Variants in EDIL3 observed in about 807,000 individuals in gnomAD.
EDIL3 encodes EGF-like repeat and discoidin I-like domain-containing protein 3.
Under a neutral mutation model 67.4 loss-of-function variants are expected in EDIL3, and 37 were observed. That is an observed-to-expected ratio of 0.55 (90% CI 0.42 to 0.72). The LOEUF (loss-of-function observed/expected upper bound fraction) is 0.72. Ranked by LOEUF, EDIL3 falls within the 30% of genes least tolerant of loss-of-function variation. The probability of loss-of-function intolerance (pLI) is 0.00; values close to 1 mark genes in which losing one functional copy is unlikely to be tolerated. For synonymous variants in EDIL3, 195 were observed against 196.3 expected (o/e 0.99, Z 0.05); for missense variants, 527 against 586.3 (o/e 0.90, Z 1.04).
intron 9 of EDIL3, 79 bp downstream of exon 9, chr5:84,060,219 ACT>A: frequency 1.3e-6 from 2 of 1,504,232 alleles, no homozygotes; most frequent in Middle Eastern, 2.5e-4. Flanking sequence ...GAAGGTAACG[ACT>A]CTGACACTCA....
chr5:84,311,900 A>C (rs1746397096), intron 1 of EDIL3, among the ~76,000 whole-genome samples: 1 of 152,210 alleles, frequency 6.6e-6, no homozygotes, highest in African/African-American at 2.4e-5. Flanking sequence ...CAACAGGATC[A>C]CAAGGCAGAA....
intron 10 of EDIL3, among the ~76,000 whole-genome samples, chr5:83,944,036 C>T (rs1055944717): frequency 1.3e-5 from 2 of 151,990 alleles, no homozygotes; most frequent in African/African-American, 2.4e-5. Flanking sequence ...TTTAAGAGAA[C>T]AAGCATGGAA....
intron 2 of EDIL3, among the ~76,000 whole-genome samples, chr5:84,238,663 A>ATGTTTTTT (rs1744727129): frequency 3.8e-5 from 1 of 26,664 alleles, no homozygotes; most frequent in Non-Finnish European, 6.6e-5. Flanking sequence ...CTAAAATTAA[A>ATGTTTTTT]TGTTTTTTTT....
intron 4 of EDIL3, among the ~76,000 whole-genome samples, chr5:84,137,812 A>G (rs1748120429): frequency 6.6e-6 from 1 of 152,250 alleles, no homozygotes; most frequent in South Asian, 2.1e-4. Context: ...GTTTCTAAAT[A>G]GTTCGTCTTT....
chr5:84,273,780 C>A (rs1054725962), intron 1 of EDIL3, among the ~76,000 whole-genome samples: 1 of 152,198 alleles, frequency 6.6e-6, no homozygotes, highest in African/African-American at 2.4e-5. Flanking sequence ...GTCTACTTCT[C>A]ATGGTGCTGG....
intron 1 of EDIL3, among the ~76,000 whole-genome samples, chr5:84,376,560 G>C (rs982059096): frequency 6.6e-6 from 1 of 152,168 alleles, no homozygotes; most frequent in Non-Finnish European, 1.5e-5. Flanking sequence ...GGAGTGTTGA[G>C]AAATATTTTC....
At chr5:84,214,017 G>A (rs180881920) in intron 3 of EDIL3, among the ~76,000 whole-genome samples, 1 of 152,222 alleles carries the variant, frequency 6.6e-6, no homozygotes, top group East Asian at 1.9e-4. Context: ...TGTCCTCTGA[G>A]CCACTGCCTC....
intron 1 of EDIL3, among the ~76,000 whole-genome samples, chr5:84,362,953 TTTTG>T (rs142538463): frequency 0.015 from 2,231 of 152,302 alleles, 61 homozygotes; most frequent in African/African-American, 0.051. Flanking sequence ...AATTTTATGT[TTTTG>T]TTTTTCTGTT....
chr5:84,328,021 T>A (rs1464698817), intron 1 of EDIL3, among the ~76,000 whole-genome samples: 3 of 152,050 alleles, frequency 2.0e-5, no homozygotes, highest in African/African-American at 7.2e-5. Context: ...AGAGAAGTTA[T>A]TTCCAATATT....
chr5:84,003,928 A>G (rs948021501), intron 9 of EDIL3, among the ~76,000 whole-genome samples: 1 of 151,994 alleles, frequency 6.6e-6, no homozygotes, highest in Non-Finnish European at 1.5e-5. Context: ...CAAGAGATCC[A>G]TCTCACATGC....
intron 9 of EDIL3, among the ~76,000 whole-genome samples, chr5:84,027,855 T>C (rs1745843752): frequency 6.6e-6 from 1 of 152,254 alleles, no homozygotes. Context: ...AGACACTTTG[T>C]AATATTGGTG....
chr5:84,256,261 T>C (rs1256045732), intron 1 of EDIL3, among the ~76,000 whole-genome samples: 1 of 152,104 alleles, frequency 6.6e-6, no homozygotes, highest in Admixed American at 6.6e-5. Flanking sequence ...TATTGCATGG[T>C]AGGCAGGCAC....
At chr5:84,197,556 G>A (rs1053070950) in intron 3 of EDIL3, among the ~76,000 whole-genome samples, 4 of 151,922 alleles carry the variant, frequency 2.6e-5, no homozygotes, top group Non-Finnish European at 5.9e-5. Flanking sequence ...TTACTTGGGA[G>A]GCTTAGGCAG....
intron 5 of EDIL3, among the ~76,000 whole-genome samples, chr5:84,136,459 A>G (rs1248406833): frequency 6.6e-6 from 1 of 151,830 alleles, no homozygotes; most frequent in Non-Finnish European, 1.5e-5. Flanking sequence ...TCCTGTTACT[A>G]CTTTTTTCCC....
At chr5:83,949,340 T>A (rs1338350720) in intron 10 of EDIL3, among the ~76,000 whole-genome samples, 1 of 151,672 alleles carries the variant, frequency 6.6e-6, no homozygotes, top group Non-Finnish European at 1.5e-5. Context: ...TGAAAAAAAA[T>A]TCAACCAAAA....
intron 1 of EDIL3, among the ~76,000 whole-genome samples, chr5:84,282,013 C>G (rs1052151460): frequency 3.3e-5 from 5 of 151,120 alleles, no homozygotes; most frequent in Admixed American, 6.6e-5. Context: ...ATTACAGGTG[C>G]CGGCCACTAC....
At chr5:84,202,397 T>C (rs1743862829) in intron 3 of EDIL3, among the ~76,000 whole-genome samples, 1 of 152,160 alleles carries the variant, frequency 6.6e-6, no homozygotes, top group Non-Finnish European at 1.5e-5. Context: ...AAAAGGTTAA[T>C]AGGAGTGTGA....
chr5:84,050,029 C>A (rs1185860843), intron 9 of EDIL3, among the ~76,000 whole-genome samples: 2 of 151,842 alleles, frequency 1.3e-5, no homozygotes, highest in Admixed American at 6.6e-5. Context: ...GAAACCCCGT[C>A]TCTACTAAAA....
intron 9 of EDIL3, among the ~76,000 whole-genome samples, chr5:83,982,716 A>ATGATTTAT (rs1260875260): frequency 6.6e-6 from 1 of 152,152 alleles, no homozygotes; most frequent in Non-Finnish European, 1.5e-5. Flanking sequence ...AAGTATTCAC[A>ATGATTTAT]TGATTTATCT....
Sources: gnomAD v4.1 joint callset for allele counts (sites outside exome capture counted in the v4.1 genomes callset) on GRCh38, gnomAD v4.1.1 for gene constraint, MANE v1.5 for transcripts, NCBI Gene and HGNC (gene_info 2026-07-23, HGNC 2026-07-21) for gene names.